SAG: variants seen among roughly 807,000 people sequenced by gnomAD.
The protein encoded by SAG is S-arrestin.
In SAG, 45 loss-of-function variants were observed where a neutral mutation model predicts 55.0. That is an observed-to-expected ratio of 0.82 (90% CI 0.64 to 1.05). SAG has a LOEUF of 1.05. Ranked by LOEUF, SAG falls within the 50% of genes least tolerant of loss-of-function variation. The pLI is 0.00. For missense variants in SAG, 455 were observed against 512.1 expected (o/e 0.89, Z 1.08); for synonymous variants, 189 against 197.4 (o/e 0.96, Z 0.36).
At chr2:233,315,703 TTTC>T (rs1477602969) in intron 2 of SAG, among the ~76,000 whole-genome samples, 3 of 147,600 alleles carry the variant, frequency 2.0e-5, no homozygotes, top group African/African-American at 8.0e-5. Context: ...ATTTTCTTTC[TTTC>T]TTTTTTTTTT....
At chr2:233,317,768 T>C (rs1700250777) in intron 3 of SAG, among the ~76,000 whole-genome samples, 1 of 152,206 alleles carries the variant, frequency 6.6e-6, no homozygotes, top group Non-Finnish European at 1.5e-5. Context: ...AATACATAGC[T>C]ATTAAAATGA....
intron 6 of SAG, 41 bp from the exon 7 acceptor site, chr2:233,327,080 G>T: frequency 6.6e-7 from 1 of 1,525,256 alleles, no homozygotes; most frequent in South Asian, 1.1e-5. Context: ...CCCAGGGAGG[G>T]AGTCGCTGAT....
chr2:233,343,616 C>T, intron 14 of SAG: 1 of 1,145,764 alleles, frequency 8.7e-7, no homozygotes, highest in Middle Eastern at 2.3e-4. Context: ...CTCAATCATT[C>T]TCTTTCTAAA....
chr2:233,316,036 A>T (rs148937921), intron 2 of SAG, 39 bp from the exon 3 acceptor site: 2 of 1,306,226 alleles, frequency 1.5e-6, no homozygotes, highest in East Asian at 4.8e-5. Context: ...TTAGCTTAGC[A>T]TTCTTTGGCC....
intron 11 of SAG, among the ~76,000 whole-genome samples, chr2:233,335,910 G>C (rs1260403927): frequency 1.3e-5 from 2 of 152,240 alleles, no homozygotes; most frequent in African/African-American, 4.8e-5. Context: ...CCGAGGTGAT[G>C]CCAATGGCTG....
intron 11 of SAG, 113 bp from the exon 12 acceptor site, chr2:233,338,563 A>C (rs1328199780): frequency 1.1e-6 from 1 of 913,928 alleles, no homozygotes; most frequent in African/African-American, 1.6e-5. Flanking sequence ...TGAGTTCACC[A>C]GTCCCTGGAG....
At chr2:233,318,727 T>C (rs1340335982) in intron 3 of SAG, 24 bp from the exon 4 acceptor site, 8 of 1,611,248 alleles carry the variant, frequency 5.0e-6, no homozygotes, top group Non-Finnish European at 6.8e-6. Flanking sequence ...CCACCCTCAC[T>C]GCTCTCTCCC....
intron 13 of SAG, among the ~76,000 whole-genome samples, chr2:233,341,042 G>C (rs1029648451): frequency 6.6e-6 from 1 of 152,174 alleles, no homozygotes; most frequent in Non-Finnish European, 1.5e-5. Context: ...TCGAACTCCT[G>C]ACCTCCAGTG....
At chr2:233,343,758 T>A in intron 14 of SAG, 1 of 1,096,036 alleles carries the variant, frequency 9.1e-7, no homozygotes, top group South Asian at 2.1e-5. Flanking sequence ...TCCGTAGGTA[T>A]AGGAATAAGG....
rs760796386 is a variant in SAG, at chr2:233,335,017, C to T, written c.862C>T (p.Leu288=). The change falls in exon 11 of 16, where the codon CTG becomes TTG. Residue 288 remains leucine, a synonymous_variant. Coordinates refer to ENST00000409110, the MANE Select transcript of SAG (RefSeq NM_000541.5). ...CAAGACGCTGACGCTGCTGCCCTTGCTGGCTAACAATCGAGAAAGGAGAGG... is the reference window on the plus strand; with the variant it reads ...CAAGACGCTGACGCTGCTGCCCTTGTTGGCTAACAATCGAGAAAGGAGAGG... ...LTKTLTLLPL[L]ANNRERRGIA... 33 of 1,613,904 alleles carry T rather than the reference C, an allele frequency of 2.0e-5. No individual in the cohort carries two copies. Among genetic ancestry groups the T allele is most frequent in the Middle Eastern group, 3.3e-4 (2 of 6,084 alleles).
At chr2:233,335,168 T>C (rs1182600257) in intron 11 of SAG, 69 bp downstream of exon 11, 2 of 1,554,670 alleles carry the variant, frequency 1.3e-6, no homozygotes, top group Non-Finnish European at 1.7e-6. Context: ...TCCCTTCACA[T>C]CACCCTGCTG....
At chr2:233,310,050 T>C (rs1426931153) in intron 2 of SAG, among the ~76,000 whole-genome samples, 1 of 152,194 alleles carries the variant, frequency 6.6e-6, no homozygotes, top group African/African-American at 2.4e-5. Context: ...CGCAGGGCCA[T>C]TGGATAAGGG....
rs891983808 is a variant in SAG at position 233,318,629 on chromosome 2, C to T, written c.137-122C>T. The T allele has an allele frequency of 6.9e-6, 6 of 869,942 alleles. No individual in the cohort carries two copies. The African/African-American group carries it at 8.4e-5, about 12-fold the overall frequency. 53.9% of individuals were successfully genotyped at this position (869,942 alleles called of 1,614,324 possible). ...ACTTTTTTCCCTTTGCCTGACTTTTCTTTCTTTCTTATAATGAACATGGAT... is the reference window on the plus strand; with the variant it reads ...ACTTTTTTCCCTTTGCCTGACTTTTTTTTCTTTCTTATAATGAACATGGAT... On this transcript the variant is annotated intron_variant, in intron 3 of 15. Transcript: ENST00000409110.
At chr2:233,328,768 T>A in intron 8 of SAG, 155 bp downstream of exon 8, 1 of 777,334 alleles carries the variant, frequency 1.3e-6, no homozygotes, top group Non-Finnish European at 2.0e-6. Context: ...GTGACTGGCC[T>A]GTTTTCACAG....
chr2:233,326,620 T>TG (rs1700566573), intron 6 of SAG, among the ~76,000 whole-genome samples: 1 of 149,350 alleles, frequency 6.7e-6, no homozygotes, highest in African/African-American at 2.5e-5. Flanking sequence ...CTGCCCGCAC[T>TG]GGGTGCCTTG....
At position 233,309,224 on chromosome 2, in the gene SAG, C is replaced by G. The variant is rs183383266; in HGVS notation, c.35C>G (p.Pro12Arg). ...AASGKTSKSE[P>R]NHVIFKKISR... is the part of the protein sequence containing the mutation. The stretch of plus-strand genomic sequence containing the variant: ...AGCGGGAAGACCAGCAAGTCCGAAC[C>G]GAACCATGTTATCTTCAAGAAGATC... Residue 12 changes from proline (P) to arginine (R), a missense_variant, in exon 2 of 16, where the codon CCG (proline) becomes CGG (arginine). Transcript: ENST00000409110. 1 of 1,613,688 alleles carries G rather than the reference C, an allele frequency of 6.2e-7. No individual in the cohort carries two copies. Among genetic ancestry groups the G allele is most frequent in the South Asian group, 1.1e-5 (1 of 91,018 alleles).
intron 2 of SAG, among the ~76,000 whole-genome samples, chr2:233,311,611 C>T (rs997771225): frequency 6.6e-6 from 1 of 152,102 alleles, no homozygotes; most frequent in Non-Finnish European, 1.5e-5. Context: ...GTTGGATGGG[C>T]CCCCGAAGGC....
chr2:233,344,586 G>A (rs1701198834), intron 14 of SAG: 2 of 152,192 alleles, frequency 1.3e-5, no homozygotes, highest in South Asian at 4.1e-4. Context: ...TGTACTGTGA[G>A]ATTTCTGGGA....
chr2:233,316,872 G>C lies in SAG; in HGVS notation c.136+737G>C, dbSNP rs546320963. On this transcript the variant is annotated intron_variant, in intron 3 of 15. Transcript: ENST00000409110. ...TACCAAAATGGCTAAAATATTTTAG[G>C]TTGGTGCAAAAGTAATTGCAGTTTT... Among the ~76,000 whole-genome samples the C allele has an allele frequency of 5.9e-5, 9 of 152,238 alleles. No homozygotes were observed. In the East Asian group the frequency reaches 1.2e-3, roughly 20 times the overall value.
Sources: allele counts gnomAD v4.1 joint callset (sites outside exome capture counted in the v4.1 genomes callset), GRCh38; gene constraint gnomAD v4.1.1; transcripts MANE v1.5; gene names NCBI Gene and HGNC (gene_info 2026-07-23, HGNC 2026-07-21).